MPPED1: variants seen among roughly 807,000 people sequenced by gnomAD.
The protein encoded by MPPED1 is metallophosphoesterase domain-containing protein 1.
MPPED1 carries 16 observed loss-of-function variants against 36.2 expected under a neutral mutation model. That is an observed-to-expected ratio of 0.44 (90% confidence interval 0.30 to 0.67). The LOEUF is 0.67. Ranked by LOEUF, MPPED1 falls within the 30% of genes least tolerant of loss-of-function variation. The pLI is 0.10. For synonymous variants in MPPED1, 199 were observed against 191.3 expected (o/e 1.04, Z -0.33); for missense variants, 307 against 453.4 (o/e 0.68, Z 2.93).
At chr22:43,469,106 C>T (rs762304311) in intron 3 of MPPED1, among the ~76,000 whole-genome samples, 1 of 152,154 alleles carries the variant, frequency 6.6e-6, no homozygotes, top group Admixed American at 6.5e-5. Context: ...TCTCTTTCCA[C>T]ACCTGCTTGG....
chr22:43,436,117 A>G (rs2146835436), intron 3 of MPPED1, among the ~76,000 whole-genome samples: 1 of 152,276 alleles, frequency 6.6e-6, no homozygotes, highest in East Asian at 1.9e-4. Context: ...GCTTTTTTTC[A>G]AAAATAAGAA....
At chr22:43,426,763 C>T (rs1226203517) in intron 2 of MPPED1, among the ~76,000 whole-genome samples, 1 of 152,218 alleles carries the variant, frequency 6.6e-6, no homozygotes, top group Non-Finnish European at 1.5e-5. Flanking sequence ...CAGGAAAATG[C>T]TTGTCTCCGT....
chr22:43,451,693 T>C (rs1237984437), intron 3 of MPPED1, among the ~76,000 whole-genome samples: 1 of 152,254 alleles, frequency 6.6e-6, no homozygotes, highest in East Asian at 1.9e-4. Flanking sequence ...TTTTTGCTCA[T>C]TGATCCAACC....
chr22:43,423,113 G>A (rs777180439), intron 1 of MPPED1, among the ~76,000 whole-genome samples: 2 of 152,268 alleles, frequency 1.3e-5, no homozygotes, highest in Non-Finnish European at 1.5e-5. Flanking sequence ...CTGGGATTAC[G>A]GGTGTGAGCC....
intron 3 of MPPED1, among the ~76,000 whole-genome samples, chr22:43,458,169 G>A (rs1930820764): frequency 2.6e-5 from 4 of 152,044 alleles, no homozygotes; most frequent in Admixed American, 2.6e-4. Context: ...ATCACCTAAT[G>A]GTGCATTTCT....
At chr22:43,434,431 G>C (rs1929879775) in intron 2 of MPPED1, among the ~76,000 whole-genome samples, 2 of 152,196 alleles carry the variant, frequency 1.3e-5, no homozygotes, top group African/African-American at 4.8e-5. Flanking sequence ...AGCCCGGGCA[G>C]TTGTCCTCAT....
intron 4 of MPPED1, among the ~76,000 whole-genome samples, chr22:43,488,059 G>T (rs113551077): frequency 0.051 from 7,692 of 152,254 alleles, 503 homozygotes; most frequent in African/African-American, 0.15. Context: ...TGCATCTGTA[G>T]AGTGGAGGCC....
chr22:43,438,804 C>G (rs985162589), intron 3 of MPPED1, among the ~76,000 whole-genome samples: 1 of 152,106 alleles, frequency 6.6e-6, no homozygotes, highest in Non-Finnish European at 1.5e-5. Context: ...TTGGGTCAAT[C>G]CTGGCCGCTC....
intron 4 of MPPED1, among the ~76,000 whole-genome samples, chr22:43,497,055 A>AGGT (rs1932432666): frequency 2.0e-5 from 2 of 99,900 alleles, no homozygotes; most frequent in Non-Finnish European, 4.2e-5. Context: ...GTGGTGGTGG[A>AGGT]GATGGTGGTG....
Position 43,489,438 on chromosome 22 carries a change from A to G in MPPED1, c.633-8797A>G, listed in dbSNP as rs527453099. ...GAAGTCCCCCTTTCCCAGCCTGGGG[A>G]TGGTGCTCCCCAGCGAGCAGTCTGT... On this transcript the variant is annotated intron_variant, in intron 4 of 6. Transcript: ENST00000443721. Among the ~76,000 whole-genome samples, 61 of 151,684 alleles carry G rather than the reference A, an allele frequency of 4.0e-4. 2 individuals are homozygous for G. The Middle Eastern group carries it at 0.014, about 34-fold the overall frequency.
At chr22:43,500,364 GTGA>G (rs1372391024) in intron 5 of MPPED1, among the ~76,000 whole-genome samples, 116 of 149,380 alleles carry the variant, frequency 7.8e-4, no homozygotes, top group African/African-American at 2.6e-3. Flanking sequence ...GATGGAGGTG[GTGA>G]TGGGGGTGGT....
At position 43,425,121 on chromosome 22, in the gene MPPED1, G is replaced by A. The variant is rs1252631080; in HGVS notation, c.136G>A (p.Glu46Lys). Reference protein sequence around the residue: ...RRHQHSRLIIEVDEYSSNPTQ... With the variant: ...RRHQHSRLIIKVDEYSSNPTQ... ...GCACCAGCACAGCCGGCTCATCATC[G>A]AGGTGGACGAGTACAGCTCCAACCC... is the stretch of plus-strand genomic sequence containing the variant. Residue 46 changes from glutamate to lysine, a missense_variant, in exon 2 of 7, where the codon GAG (glutamate) becomes AAG (lysine). By Grantham distance (56) the Glu-to-Lys change is moderately conservative. Transcript: ENST00000443721. The A allele has an allele frequency of 5.0e-6, 8 of 1,613,870 alleles. No homozygotes were observed. Among genetic ancestry groups the A allele is most frequent in the Non-Finnish European group, 6.8e-6 (8 of 1,179,888 alleles).
rs916514483 is a variant in MPPED1, at chr22:43,474,341, C to T, written c.407-395C>T. 3.3e-5 allele frequency among the ~76,000 whole-genome samples: 5 copies of T among 152,244 alleles called. No individual in the cohort carries two copies. Among genetic ancestry groups the T allele is most frequent in the Non-Finnish European group, 5.9e-5 (4 of 68,038 alleles). ...CTGTCCAGCCTCTTCCCGATGATCT[C>T]AGGGGGCCGATGGCCAGTGGAGGCC... On this transcript the variant is annotated intron_variant, in intron 3 of 6. Coordinates refer to ENST00000443721, the MANE Select transcript of MPPED1 (RefSeq NM_001044370.2). This position sits in a 1 kb window ranked among gnomAD's most constrained non-coding sequence, Gnocchi z 5.2.
rs538533499 is a variant in MPPED1, at chr22:43,489,110, GC to G, written c.633-9123del. Among the ~76,000 whole-genome samples the G allele has an allele frequency of 2.6e-5, 4 of 152,284 alleles. No homozygotes were observed. In the South Asian group the frequency reaches 8.3e-4, roughly 32 times the overall value. On this transcript the variant is annotated intron_variant, in intron 4 of 6. Coordinates refer to ENST00000443721, the MANE Select transcript of MPPED1 (RefSeq NM_001044370.2). ...ACACCAGGGGCCACGTGGACTTCGG[GC>G]CTGCCGGTCACGGTGGTTGATCCCA... is the stretch of plus-strand genomic sequence containing the variant.
At chr22:43,480,983 C>T (rs962437112) in intron 4 of MPPED1, among the ~76,000 whole-genome samples, 1 of 151,934 alleles carries the variant, frequency 6.6e-6, no homozygotes, top group Non-Finnish European at 1.5e-5. Flanking sequence ...GCCATCATGC[C>T]CAGCTAATTT....
chr22:43,426,823 G>C (rs919490767), intron 2 of MPPED1, among the ~76,000 whole-genome samples: 2 of 152,204 alleles, frequency 1.3e-5, no homozygotes, highest in Non-Finnish European at 2.9e-5. Flanking sequence ...TTATTTTTTG[G>C]TAGATTTCTA....
At chr22:43,418,352 G>A (rs1433366022) in intron 1 of MPPED1, 5 of 349,614 alleles carry the variant, frequency 1.4e-5, no homozygotes, top group Non-Finnish European at 2.3e-5. Flanking sequence ...TGGTCTGCAG[G>A]GCAGCAGCTC....
chr22:43,475,047 G>T, intron 4 of MPPED1, 86 bp downstream of exon 4: 3 of 1,234,970 alleles, frequency 2.4e-6, no homozygotes, highest in Non-Finnish European at 3.5e-6. Flanking sequence ...GGGAGTAGCA[G>T]CAGGGAGCTC....
At chr22:43,446,600 G>A (rs762725234) in intron 3 of MPPED1, among the ~76,000 whole-genome samples, 2 of 152,196 alleles carry the variant, frequency 1.3e-5, no homozygotes, top group Non-Finnish European at 2.9e-5. Context: ...GTGAGTGGAA[G>A]AAACTGAGTC....
Sources: gnomAD v4.1 joint callset for allele counts (sites outside exome capture counted in the v4.1 genomes callset) on GRCh38, gnomAD v4.1.1 for gene constraint, Gnocchi (gnomAD v3.1) non-coding constraint, MANE v1.5 for transcripts, NCBI Gene and HGNC (gene_info 2026-07-23, HGNC 2026-07-21) for gene names.